The following SPATA6L variants were observed in gnomAD, a reference collection of about 807,000 sequenced individuals.
SPATA6L encodes spermatogenesis associated 6 like.
Under a neutral mutation model 49.2 loss-of-function variants are expected in SPATA6L, and 68 were observed. That is an observed-to-expected ratio of 1.38 (90% CI 1.14 to 1.69). The LOEUF (loss-of-function observed/expected upper bound fraction) is 1.69. Among genes scored for constraint, SPATA6L ranks in the 40% most tolerant of loss-of-function variants. The pLI, the probability that SPATA6L is intolerant of heterozygous loss-of-function variation, is 0.00. For missense variants in SPATA6L, 668 were observed against 464.3 expected (o/e 1.44, Z -4.03); for synonymous variants, 198 against 165.7 (o/e 1.19, Z -1.50).
intron 1 of SPATA6L, chr9:4,663,185 G>A: frequency 6.2e-7 from 1 of 1,614,138 alleles, no homozygotes; most frequent in Non-Finnish European, 8.5e-7. Context: ...TGGGCTACAT[G>A]CAGTACAGCA....
intron 8 of SPATA6L, 38 bp from the exon 9 acceptor site, chr9:4,618,148 TTC>T (rs780736018): frequency 4.8e-5 from 74 of 1,554,180 alleles, no homozygotes; most frequent in Non-Finnish European, 6.0e-5. Context: ...GTAATTTTGC[TTC>T]TGTTTGCTTA....
chr9:4,650,628 G>C (rs1836597906), intron 3 of SPATA6L, among the ~76,000 whole-genome samples: 1 of 152,050 alleles, frequency 6.6e-6, no homozygotes, highest in South Asian at 2.1e-4. Context: ...AATGAAAGAA[G>C]AGACATTACC....
rs549836970 is a variant in SPATA6L, at chr9:4,643,052, G to C, written c.227-7653C>G. On this transcript the variant is annotated intron_variant, in intron 3 of 11. Coordinates refer to ENST00000682582, the MANE Select transcript of SPATA6L (RefSeq NM_001353486.2). ...AGATGGAGTCTGGCTCTGTGGCCCA[G>C]GCTGGAGTGCAGTGGTGCAATCTTA... Among the ~76,000 whole-genome samples, 11 of 152,300 alleles carry C rather than the reference G, an allele frequency of 7.2e-5. No homozygotes were observed. In the South Asian group the frequency reaches 8.3e-4, roughly 12 times the overall value.
intron 9 of SPATA6L, among the ~76,000 whole-genome samples, chr9:4,608,793 A>G (rs2130203723): frequency 6.6e-6 from 1 of 152,120 alleles, no homozygotes; most frequent in Non-Finnish European, 1.5e-5. Context: ...AATAACTAAA[A>G]TCAGAGCAGA....
intron 2 of SPATA6L, among the ~76,000 whole-genome samples, chr9:4,660,269 G>A (rs4489371): frequency 0.59 from 88,972 of 151,852 alleles, 26,810 homozygotes; most frequent in East Asian, 0.76. Context: ...GGAAATTTTT[G>A]CAATCTACTC....
rs1037110852 is a variant in SPATA6L, at chr9:4,600,460, T to A, written c.*351A>T. ...TCCTCTAGCTCATATATAATTAATTTGAGAGAGAGAGACAGAGAGAGCCAG... is the reference window on the plus strand; with the variant it reads ...TCCTCTAGCTCATATATAATTAATTAGAGAGAGAGAGACAGAGAGAGCCAG... On this transcript the variant is annotated 3_prime_UTR_variant, in exon 12 of 12. Transcript: ENST00000682582. 3.4e-5 allele frequency: 2 copies of A among 59,198 alleles called. No individual in the cohort carries two copies. Among genetic ancestry groups the A allele is most frequent in the African/African-American group, 8.4e-5 (2 of 23,946 alleles). 3.7% of individuals were successfully genotyped at this position (59,198 alleles called of 1,614,324 possible). A position where few individuals can be genotyped will look rare whatever the true frequency, so the allele number is the denominator to read the frequency against.
intron 5 of SPATA6L, chr9:4,627,522 C>T: frequency 3.1e-6 from 1 of 327,802 alleles, no homozygotes; most frequent in Admixed American, 4.5e-5. Flanking sequence ...TTTTGTTTCA[C>T]TTACAGGTTT....
At chr9:4,660,204 T>C (rs562668118) in intron 2 of SPATA6L, among the ~76,000 whole-genome samples, 1 of 152,200 alleles carries the variant, frequency 6.6e-6, no homozygotes. Flanking sequence ...CTAAAGAGCT[T>C]CTGCACAGCA....
rs1829542785 is a variant in SPATA6L at position 4,622,442 on chromosome 9, A to C, written c.738T>G (p.Ser246=). 6.2e-7 allele frequency: 1 copy of C among 1,613,948 alleles called. No homozygotes were observed. The stretch of plus-strand genomic sequence containing the variant: ...TTGGAAACGGAAAGTCTGAAAACTT[A>C]GATTTTCTTCTAGACCTCCTCAAAT... ...EHHLRRSRRK[S]KFSDFPFPTR... Residue 246 remains serine (S), a synonymous_variant, in exon 7 of 12, where the codon TCT becomes TCG. Coordinates refer to ENST00000682582, the MANE Select transcript of SPATA6L (RefSeq NM_001353486.2).
At position 4,661,962 on chromosome 9, in the gene SPATA6L, C is replaced by G. The variant is rs1456167665; in HGVS notation, c.114G>C (p.Leu38=). 6.2e-7 allele frequency: 1 copy of G among 1,614,066 alleles called. No individual in the cohort carries two copies. Among genetic ancestry groups the G allele is most frequent in the South Asian group, 1.1e-5 (1 of 91,072 alleles). ...YLGVYLMNQY[L]ETNSFPSAFP... is the part of the protein sequence containing the mutation. Reference sequence around the variant, plus strand: ...ACGCAGAGGGAAAGCTGTTGGTCTCCAGGTACTGATTCATGAGGTAGACCC... The same window carrying G: ...ACGCAGAGGGAAAGCTGTTGGTCTCGAGGTACTGATTCATGAGGTAGACCC... The change falls in exon 2 of 12, where the codon CTG becomes CTC. Residue 38 remains leucine (L), a synonymous_variant. Coordinates refer to ENST00000682582, the MANE Select transcript of SPATA6L (RefSeq NM_001353486.2).
chr9:4,589,740 C>T (rs1821782739), intron 13 of SPATA6L, among the ~76,000 whole-genome samples: 1 of 152,044 alleles, frequency 6.6e-6, no homozygotes. Flanking sequence ...TTGCAGTCAG[C>T]CTATAAATCT....
intron 10 of SPATA6L, among the ~76,000 whole-genome samples, chr9:4,604,584 G>A (rs1181078374): frequency 6.6e-6 from 1 of 152,152 alleles, no homozygotes; most frequent in African/African-American, 2.4e-5. Flanking sequence ...GCCTGAAAAG[G>A]TTGGGAATTA....
intron 4 of SPATA6L, chr9:4,633,184 A>G (rs1451787558): frequency 6.5e-6 from 1 of 154,956 alleles, no homozygotes. Flanking sequence ...TGTGGTCCAA[A>G]TCAGCGGTGG....
chr9:4,589,341 T>C (rs943542427), intron 13 of SPATA6L, among the ~76,000 whole-genome samples: 6 of 152,086 alleles, frequency 3.9e-5, no homozygotes, highest in Non-Finnish European at 8.8e-5. Context: ...TAACATGGGG[T>C]AATCCGTAGG....
At position 4,662,550 on chromosome 9, in the gene SPATA6L, C is replaced by T. The variant is rs1449718759; in HGVS notation, c.40-514G>A. 3 of 1,574,140 alleles carry T rather than the reference C, an allele frequency of 1.9e-6. No individual in the cohort carries two copies. The highest frequency in any genetic ancestry group is 1.8e-5 in the Admixed American group (1 of 56,102). ...CGTGGACCCCACCTGCGCCCGGCTC[C>T]GTGCATCGGAGAGCCCAGTTCACCG... On this transcript the variant is annotated intron_variant, in intron 1 of 11. Transcript: ENST00000682582. This position sits in a 1 kb window ranked among gnomAD's most constrained non-coding sequence, Gnocchi z 4.9.
intron 6 of SPATA6L, among the ~76,000 whole-genome samples, chr9:4,622,966 C>A (rs986508188): frequency 2.8e-5 from 4 of 141,946 alleles, no homozygotes; most frequent in Non-Finnish European, 4.5e-5. Flanking sequence ...GTCCGAGTAT[C>A]TACATTTTTG....
Position 4,635,359 on chromosome 9 carries a change from ATC to A in SPATA6L, c.265_266del (p.Asp89PhefsTer14). 1 of 1,590,702 alleles carries A rather than the reference ATC, an allele frequency of 6.3e-7. No individual in the cohort carries two copies. Among genetic ancestry groups the A allele is most frequent in the Non-Finnish European group, 8.5e-7 (1 of 1,171,800 alleles). The stretch of plus-strand genomic sequence containing the variant: ...TCAGCTTGGGCTCTGGGAAAAGAAA[ATC>A]TCGTGTGTTTTCTTCGTAGTAGGCC... ...ELAYYEENTR[D>X]FLFPEPKLTP... On this transcript the variant is annotated frameshift_variant, in exon 4 of 12. Coordinates refer to ENST00000682582, the MANE Select transcript of SPATA6L (RefSeq NM_001353486.2). LOFTEE classifies it high-confidence loss of function.
chr9:4,605,411 T>A lies in SPATA6L; in HGVS notation c.1025A>T (p.Lys342Met). 1 of 1,613,964 alleles carries A rather than the reference T, an allele frequency of 6.2e-7. No individual in the cohort carries two copies. The highest frequency in any genetic ancestry group is 8.5e-7 in the Non-Finnish European group (1 of 1,179,812). ...ACTGCATACCCTCTCATGGATATTCTTCCATGTGGACTGAGAACCAGGATG... is the reference window on the plus strand; with the variant it reads ...ACTGCATACCCTCTCATGGATATTCATCCATGTGGACTGAGAACCAGGATG... ...RFHPGSQSTW[K>M]NIHERVCSLL... is the part of the protein sequence containing the mutation. The change falls in exon 10 of 12, where the codon AAG (lysine) becomes ATG (methionine). Residue 342 changes from lysine (K) to methionine (M), a missense_variant. Transcript: ENST00000682582.
chr9:4,604,311 T>C (rs1240623883), intron 10 of SPATA6L, 42 bp from the exon 11 acceptor site: 1 of 1,320,790 alleles, frequency 7.6e-7, no homozygotes, highest in Admixed American at 1.7e-5. Context: ...ACCCATAACA[T>C]AATAGAGATG....
Sources: allele counts gnomAD v4.1 joint callset (sites outside exome capture counted in the v4.1 genomes callset), GRCh38; gene constraint gnomAD v4.1.1; non-coding constraint Gnocchi (gnomAD v3.1); transcripts MANE v1.5; gene names NCBI Gene and HGNC (gene_info 2026-07-23, HGNC 2026-07-21).